The following PRKCA variants were observed in gnomAD, a reference collection of about 807,000 sequenced individuals.
PRKCA encodes protein kinase C alpha, also known as protein kinase C alpha type.
In PRKCA, 27 loss-of-function variants were observed where a neutral mutation model predicts 87.0. The ratio of observed to expected loss-of-function variants is 0.31; its 90% CI spans 0.23 to 0.43. The LOEUF (loss-of-function observed/expected upper bound fraction) is 0.43, where lower values mean the gene tolerates loss of function less well. PRKCA is among the 20% of genes least tolerant of loss of function. PRKCA has a pLI of 1.00. For synonymous variants in PRKCA, 329 were observed against 311.1 expected (o/e 1.06, Z -0.61); for missense variants, 518 against 852.3 (o/e 0.61, Z 4.88).
At chr17:66,489,123 A>G (rs898194355) in intron 2 of PRKCA, among the ~76,000 whole-genome samples, 1 of 152,026 alleles carries the variant, frequency 6.6e-6, no homozygotes, top group East Asian at 1.9e-4. Context: ...AAGCTCAGCT[A>G]CCAGTCTTCT....
rs544594935 is a variant in PRKCA, at chr17:66,590,066, A to C, written c.289-51289A>C. 4.7e-3 allele frequency among the ~76,000 whole-genome samples: 713 copies of C among 152,202 alleles called. 5 individuals are homozygous for C. The highest frequency in any genetic ancestry group is 0.016 in the African/African-American group (650 of 41,540). ...CCTGCTGTGCACCCCAGTTCCTAAC[A>C]GGCCATGGACAGGCACCGGTCCATG... On this transcript the variant is annotated intron_variant, in intron 3 of 16. Coordinates refer to ENST00000413366, the MANE Select transcript of PRKCA (RefSeq NM_002737.3).
At chr17:66,545,729 C>T (rs1968128358) in intron 3 of PRKCA, among the ~76,000 whole-genome samples, 1 of 152,044 alleles carries the variant, frequency 6.6e-6, no homozygotes, top group South Asian at 2.1e-4. Context: ...AAGAGAAGAA[C>T]ATTAAAAAAA....
intron 2 of PRKCA, among the ~76,000 whole-genome samples, chr17:66,456,058 G>A (rs915781261): frequency 3.3e-5 from 5 of 151,980 alleles, no homozygotes; most frequent in East Asian, 1.9e-4. Context: ...GGAAGGCCAC[G>A]AGATACTGGA....
chr17:66,374,676 A>G (rs1909316132), intron 2 of PRKCA, among the ~76,000 whole-genome samples: 1 of 148,770 alleles, frequency 6.7e-6, no homozygotes, highest in Non-Finnish European at 1.5e-5. Flanking sequence ...TACAACTGCC[A>G]CTTGACTGAG....
In PRKCA at chr17:66,545,260, C is replaced by G. The variant is rs371499852; in HGVS notation, c.288+48977C>G. Among the ~76,000 whole-genome samples, 20 of 151,890 alleles carry G rather than the reference C, an allele frequency of 1.3e-4. 1 individual carries two copies. The highest frequency in any genetic ancestry group is 3.3e-4 in the Admixed American group (5 of 15,264). ...TGGCTAACACGGTGAAACCCCGCCT[C>G]TACTAAAAAATACAAAAAATTAGCC... On this transcript the variant is annotated intron_variant, in intron 3 of 16. Transcript: ENST00000413366.
intron 2 of PRKCA, among the ~76,000 whole-genome samples, chr17:66,378,797 A>G (rs1909622982): frequency 6.6e-6 from 1 of 151,274 alleles, no homozygotes; most frequent in African/African-American, 2.4e-5. Flanking sequence ...GCTACTTGGG[A>G]GGGTGAGGCA....
At position 66,774,006 on chromosome 17, in the gene PRKCA, A is replaced by T; in HGVS notation, c.1544A>T (p.Tyr515Phe). The change falls in exon 14 of 17, where the codon TAT becomes TTT. Residue 515 changes from tyrosine (Y) to phenylalanine (F), a missense_variant. Tyr to Phe is a conservative substitution (Grantham distance 22, BLOSUM62 3). Around this residue, in one of 5 missense-constraint regions of PRKCA, gnomAD observed 159 missense variants for 232.4 expected, o/e 0.68. Transcript: ENST00000413366. ...IAPEIIAYQP[Y>F]GKSVDWWAYG... Reference sequence around the variant, plus strand: ...ACACAGATAATCGCTTATCAGCCGTATGGAAAATCTGTGGACTGGTGGGCC... The same window carrying T: ...ACACAGATAATCGCTTATCAGCCGTTTGGAAAATCTGTGGACTGGTGGGCC... 6.2e-7 allele frequency: 1 copy of T among 1,614,094 alleles called. No individual in the cohort carries two copies. Among genetic ancestry groups the T allele is most frequent in the Non-Finnish European group, 8.5e-7 (1 of 1,179,994 alleles).
chr17:66,730,007 C>T (rs1032414381), intron 8 of PRKCA, among the ~76,000 whole-genome samples: 7 of 152,042 alleles, frequency 4.6e-5, no homozygotes, highest in African/African-American at 1.2e-4. Context: ...TGGCCAGGCT[C>T]GTCTTGAATT....
At chr17:66,537,049 TC>T (rs1034746499) in intron 3 of PRKCA, among the ~76,000 whole-genome samples, 5 of 152,172 alleles carry the variant, frequency 3.3e-5, no homozygotes, top group African/African-American at 9.7e-5. Context: ...CTCTAGTTCT[TC>T]CTTGTGAATT....
chr17:66,585,527 T>C lies in PRKCA; in HGVS notation c.289-55828T>C, dbSNP rs559085933. On this transcript the variant is annotated intron_variant, in intron 3 of 16. Transcript: ENST00000413366. The stretch of plus-strand genomic sequence containing the variant: ...CTAGTTCCTGTAGCACAAATAAGAT[T>C]ACATTCTCAGGTATTGGGGATTAAG... Among the ~76,000 whole-genome samples the C allele has an allele frequency of 7.2e-5, 11 of 152,340 alleles. No homozygotes were observed. In the South Asian group the frequency reaches 2.3e-3, roughly 32 times the overall value.
At chr17:66,486,375 G>A (rs1305941637) in intron 2 of PRKCA, among the ~76,000 whole-genome samples, 1 of 152,196 alleles carries the variant, frequency 6.6e-6, no homozygotes, top group African/African-American at 2.4e-5. Flanking sequence ...GTTGGCAAAC[G>A]TGTCGCTGTC....
intron 3 of PRKCA, among the ~76,000 whole-genome samples, chr17:66,516,398 C>T (rs750766762): frequency 2.0e-5 from 3 of 152,024 alleles, no homozygotes; most frequent in Admixed American, 6.6e-5. Flanking sequence ...TTTGGAAAGC[C>T]GAGGCGGGTG....
chr17:66,639,216 G>C (rs1971224659), intron 3 of PRKCA: 1 of 152,212 alleles, frequency 6.6e-6, no homozygotes. Flanking sequence ...AATGAGTCCT[G>C]ATAGGTACAT....
intron 5 of PRKCA, among the ~76,000 whole-genome samples, chr17:66,665,467 C>T (rs940548395): frequency 6.6e-6 from 1 of 151,558 alleles, no homozygotes; most frequent in Non-Finnish European, 1.5e-5. Flanking sequence ...AAGGGAGCAT[C>T]GCTGGGCTTG....
At chr17:66,776,307 C>CTGTTT (rs763787368) in intron 14 of PRKCA, among the ~76,000 whole-genome samples, 76 of 152,146 alleles carry the variant, frequency 5.0e-4, no homozygotes, top group Admixed American at 4.5e-3. Flanking sequence ...CAAGCTGTTT[C>CTGTTT]TGTTTTGTTT....
chr17:66,496,118 A>T (rs1018224481), intron 2 of PRKCA, 83 bp from the exon 3 acceptor site: 1 of 1,055,148 alleles, frequency 9.5e-7, no homozygotes. Flanking sequence ...TTGACTTCTA[A>T]CAGCAAGTAT....
intron 3 of PRKCA, among the ~76,000 whole-genome samples, chr17:66,542,066 C>A (rs1022845787): frequency 1.3e-5 from 2 of 152,108 alleles, no homozygotes; most frequent in African/African-American, 2.4e-5. Context: ...CTATATAAAG[C>A]CCCAGGGGAG....
At chr17:66,631,312 A>G (rs2143747840) in intron 3 of PRKCA, among the ~76,000 whole-genome samples, 1 of 152,320 alleles carries the variant, frequency 6.6e-6, no homozygotes, top group South Asian at 2.1e-4. Flanking sequence ...AGGCAAAATG[A>G]AGAAATTGAT....
intron 8 of PRKCA, among the ~76,000 whole-genome samples, chr17:66,693,007 A>G (rs934355904): frequency 2.0e-5 from 3 of 152,210 alleles, no homozygotes; most frequent in African/African-American, 7.2e-5. Flanking sequence ...ATCCTTCTCC[A>G]AAAATCAAAA....
Sources: allele counts gnomAD v4.1 joint callset (sites outside exome capture counted in the v4.1 genomes callset), GRCh38; gene constraint gnomAD v4.1.1; regional missense constraint gnomAD v4.1.1; transcripts MANE v1.5; gene names NCBI Gene and HGNC (gene_info 2026-07-23, HGNC 2026-07-21).